Variants in NME2 observed in about 807,000 individuals in gnomAD.
NME2 encodes NME/NM23 nucleoside diphosphate kinase 2.
In NME2, 18 loss-of-function variants were observed where a neutral mutation model predicts 17.8. That is an observed-to-expected ratio of 1.01 (90% CI 0.70 to 1.50). The LOEUF is 1.50. Ranked by LOEUF, NME2 falls within the 40% of genes most tolerant of loss-of-function variation. The probability of loss-of-function intolerance (pLI) is 0.00; values close to 1 mark genes in which losing one functional copy is unlikely to be tolerated. For missense variants in NME2, 161 were observed against 195.6 expected, an observed-to-expected ratio of 0.82 and a Z score of 1.05; for synonymous variants, 74 against 71.4, an observed-to-expected ratio of 1.04 and a Z score of -0.19.
chr17:51,170,142 CTTT>C (rs112707943), intron 4 of NME2, 93 bp downstream of exon 4: 3,590 of 609,988 alleles, frequency 5.9e-3, no homozygotes, highest in South Asian at 6.5e-3. Flanking sequence ...AATCTGTGCC[CTTT>C]TTTTTTTTTT....
chr17:51,167,059 G>T, intron 2 of NME2, 103 bp downstream of exon 2: 1 of 1,599,538 alleles, frequency 6.3e-7, no homozygotes. Context: ...TCATTTCGCT[G>T]CCGCGAAATC....
chr17:51,170,074 A>T, intron 4 of NME2, 25 bp downstream of exon 4: 10 of 1,566,956 alleles, frequency 6.4e-6, no homozygotes, highest in Non-Finnish European at 8.7e-6. Context: ...AGGAGGGTGG[A>T]TGACTTTTAT....
At chr17:51,170,138 T>G in intron 4 of NME2, 89 bp downstream of exon 4, 72 of 826,876 alleles carry the variant, frequency 8.7e-5, no homozygotes, top group Non-Finnish European at 1.1e-4. Flanking sequence ...GAAGAATCTG[T>G]GCCCTTTTTT....
chr17:51,170,069 G>C lies in NME2; in HGVS notation c.341+20G>C. The C allele has an allele frequency of 1.3e-6, 2 of 1,589,948 alleles. No individual in the cohort carries two copies. The highest frequency in any genetic ancestry group is 1.7e-6 in the Non-Finnish European group (2 of 1,167,018). On this transcript the variant is annotated intron_variant, in intron 4 of 4. Transcript: ENST00000512737. ...TGGCAGGTAAGTCCGGGGACAGGAG[G>C]GTGGATGACTTTTATGCAACACCAT...
chr17:51,168,341 A>G lies in NME2; in HGVS notation c.226A>G (p.Met76Val). The change falls in exon 3 of 5, where the codon ATG becomes GTG. Residue 76 changes from methionine (M) to valine (V), a missense_variant and splice_region_variant. Coordinates refer to ENST00000512737, the MANE Select transcript of NME2 (RefSeq NM_002512.4). ...CATGAACTCAGGGCCGGTTGTGGCC[A>G]TGGTGAGTGCTCGTGGGGAATGAGA... Reference protein sequence around the residue: ...KYMNSGPVVAMVWEGLNVVKT... With the variant: ...KYMNSGPVVAVVWEGLNVVKT... 1.9e-6 allele frequency: 3 copies of G among 1,613,866 alleles called. No homozygotes were observed. The highest frequency in any genetic ancestry group is 2.5e-6 in the Non-Finnish European group (3 of 1,179,824).
upstream of NME2, among the ~76,000 whole-genome samples, chr17:51,166,115 C>CTGTG (rs34942810): frequency 0.1 from 15,083 of 148,880 alleles, 816 homozygotes; most frequent in Non-Finnish European, 0.13. Flanking sequence ...GGAGCAGGTT[C>CTGTG]TGTGTGTGTG....
intron 2 of NME2, chr17:51,167,229 G>C (rs2049964793): frequency 7.1e-6 from 4 of 561,574 alleles, no homozygotes; most frequent in South Asian, 4.2e-5. Flanking sequence ...CCCGCCGCAG[G>C]GGGGCAGCAG....
chr17:51,166,672 G>A (rs1047783696), intron 1 of NME2, 155 bp from the exon 2 acceptor site: 3 of 692,818 alleles, frequency 4.3e-6, no homozygotes, highest in African/African-American at 1.9e-5. Flanking sequence ...CTCCGCAGAG[G>A]GACGCCGGCC....
intron 2 of NME2, chr17:51,167,294 C>G (rs1259577856): frequency 2.8e-6 from 1 of 360,900 alleles, no homozygotes; most frequent in South Asian, 2.4e-5. Context: ...TCGGGTCCAC[C>G]TAGGCACAGA....
intron 3 of NME2, chr17:51,169,436 T>C (rs1307908890): frequency 7.8e-6 from 1 of 127,764 alleles, no homozygotes; most frequent in Admixed American, 8.2e-5. Context: ...CAAGACTCTG[T>C]CTCAAAAAAA....
In NME2 at chr17:51,170,015, A is replaced by AC. The variant is rs1314713556; in HGVS notation, c.309dup (p.Ile104HisfsTer18). 1 of 1,612,618 alleles carries AC rather than the reference A, an allele frequency of 6.2e-7. No individual in the cohort carries two copies. The highest frequency in any genetic ancestry group is 1.3e-5 in the African/African-American group (1 of 74,868). ...CAATCCAGCAGATTCAAAGCCAGGC[A>AC]CCATTCGTGGGGACTTCTGCATTCA... On this transcript the variant is annotated frameshift_variant, in exon 4 of 5. Coordinates refer to ENST00000512737, the MANE Select transcript of NME2 (RefSeq NM_002512.4). LOFTEE classifies it high-confidence loss of function.
chr17:51,166,664 C>T lies in NME2; in HGVS notation c.-4-163C>T. The T allele has an allele frequency of 6.3e-6, 4 of 632,448 alleles. 1 individual carries two copies. In the South Asian group the frequency reaches 2.6e-4, roughly 42 times the overall value. The allele number at this position is 632,448 out of a possible 1,614,324, so 39.2% of individuals were successfully genotyped here. On this transcript the variant is annotated intron_variant, in intron 1 of 4. Coordinates refer to ENST00000512737, the MANE Select transcript of NME2 (RefSeq NM_002512.4). Reference sequence around the variant, plus strand: ...CTTGCGCCCCGCGGGCCTTCGGGCTCCGCAGAGGGACGCCGGCCCTGCGCG... The same window carrying T: ...CTTGCGCCCCGCGGGCCTTCGGGCTTCGCAGAGGGACGCCGGCCCTGCGCG...
At chr17:51,166,760 C>T (rs985251164) in intron 1 of NME2, 67 bp from the exon 2 acceptor site, 1 of 1,458,248 alleles carries the variant, frequency 6.9e-7, no homozygotes, top group Non-Finnish European at 9.0e-7. Context: ...CCGGCGGCGC[C>T]CACGTGGCCT....
chr17:51,165,594 A>C (rs1356194199), upstream of NME2: 1 of 152,300 alleles, frequency 6.6e-6, no homozygotes, highest in African/African-American at 2.4e-5. Flanking sequence ...TGACAGGCCT[A>C]ATCTCTATGA....
At chr17:51,167,370 TA>T (rs1378745349) in intron 2 of NME2, 3 of 261,226 alleles carry the variant, frequency 1.1e-5, no homozygotes, top group African/African-American at 7.1e-5. Flanking sequence ...GCTCCTCCTT[TA>T]GCATAGGGTA....
At chr17:51,167,094 G>T in intron 2 of NME2, 138 bp downstream of exon 2, 2 of 1,534,670 alleles carry the variant, frequency 1.3e-6, no homozygotes. Context: ...CCCCGCCCAC[G>T]GCGGCTTGGG....
At position 51,166,865 on chromosome 17, in the gene NME2, A is replaced by T. The variant is rs955726061; in HGVS notation, c.35A>T (p.Lys12Met). 3 of 1,613,496 alleles carry T rather than the reference A, an allele frequency of 1.9e-6. No homozygotes were observed. Among genetic ancestry groups the T allele is most frequent in the Admixed American group, 1.7e-5 (1 of 59,988 alleles). Residue 12 changes from lysine to methionine, a missense_variant, in exon 2 of 5, where the codon AAG becomes ATG. Lys to Met is a moderately conservative substitution (Grantham distance 95). Transcript: ENST00000512737. ...ANLERTFIAI[K>M]PDGVQRGLVG... ...CTGGAGCGCACCTTCATCGCCATCA[A>T]GCCGGACGGCGTGCAGCGCGGCCTG...
At chr17:51,166,405 C>G (rs2049936496), upstream of NME2, 1 of 152,912 alleles carries the variant, frequency 6.5e-6, no homozygotes. Flanking sequence ...CCGCCCTGCG[C>G]CCCTCCTCCG....
chr17:51,167,147 G>A (rs1009924483), intron 2 of NME2, 191 bp downstream of exon 2: 223 of 1,268,926 alleles, frequency 1.8e-4, no homozygotes, highest in South Asian at 1.4e-3. Context: ...GACGCCCTTG[G>A]GAAGGTGAAG....
Sources: gnomAD v4.1 joint callset for allele counts (sites outside exome capture counted in the v4.1 genomes callset) on GRCh38, gnomAD v4.1.1 for gene constraint, MANE v1.5 for transcripts, NCBI Gene and HGNC (gene_info 2026-07-23, HGNC 2026-07-21) for gene names.